Variants in HTR2C observed in about 807,000 individuals in gnomAD.
The protein encoded by HTR2C is 5-hydroxytryptamine (serotonin) receptor 2C, G protein-coupled.
HTR2C carries 5 observed loss-of-function variants against 21.0 expected under a neutral mutation model. The observed-to-expected ratio is 0.24, with a 90% CI of 0.12 to 0.50. The LOEUF is 0.50. HTR2C is among the 20% of genes least tolerant of loss of function. The pLI is 0.98. For missense variants in HTR2C, 271 were observed against 371.2 expected, an observed-to-expected ratio of 0.73 and a Z score of 2.22; for synonymous variants, 150 against 145.3, an observed-to-expected ratio of 1.03 and a Z score of -0.23.
At chrX:114,604,624 C>T (rs1928314055) in intron 1 of HTR2C, among the ~76,000 whole-genome samples, 1 of 110,940 alleles carries the variant, frequency 9.0e-6, no homozygotes, top group African/African-American at 3.3e-5. Flanking sequence ...GGCCAGAGTT[C>T]CAGGGGCTCT....
intron 5 of HTR2C, among the ~76,000 whole-genome samples, chrX:114,877,401 C>G (rs2071147346): frequency 9.0e-6 from 1 of 110,881 alleles, no homozygotes; most frequent in Non-Finnish European, 1.9e-5. Flanking sequence ...AAATCCAACA[C>G]TGTTTCATTG....
intron 2 of HTR2C, among the ~76,000 whole-genome samples, chrX:114,681,011 C>T: frequency 9.0e-6 from 1 of 111,388 alleles, no homozygotes; most frequent in African/African-American, 3.3e-5. Context: ...ACATATTAGA[C>T]ATTTAAGTAA....
chrX:114,721,641 ATG>A (rs781807792), intron 2 of HTR2C, among the ~76,000 whole-genome samples: 140 of 109,004 alleles, frequency 1.3e-3, no homozygotes, highest in African/African-American at 4.5e-3. Flanking sequence ...TAGGGTTTTT[ATG>A]GTTTTAGGTC....
At chrX:114,635,667 A>C (rs1393748698) in intron 2 of HTR2C, among the ~76,000 whole-genome samples, 1 of 111,771 alleles carries the variant, frequency 8.9e-6, no homozygotes, top group Non-Finnish European at 1.9e-5. Context: ...AAGACACTCC[A>C]CTAAGGACTA....
At chrX:114,632,599 T>C (rs782509481) in intron 2 of HTR2C, among the ~76,000 whole-genome samples, 6 of 111,785 alleles carry the variant, frequency 5.4e-5, no homozygotes, top group African/African-American at 1.9e-4. Context: ...CTTTATGCCA[T>C]AGTTTGGTAT....
At chrX:114,661,362 A>G (rs782806968) in intron 2 of HTR2C, among the ~76,000 whole-genome samples, 1 of 109,151 alleles carries the variant, frequency 9.2e-6, no homozygotes, top group South Asian at 4.1e-4. Flanking sequence ...TAAATACACA[A>G]TAATTGTTTT....
intron 2 of HTR2C, among the ~76,000 whole-genome samples, chrX:114,679,399 C>T (rs1931674590): frequency 9.0e-6 from 1 of 110,645 alleles, no homozygotes; most frequent in Admixed American, 9.8e-5. Context: ...TCGCCTCAGC[C>T]TCCTAAGTAG....
intron 2 of HTR2C, among the ~76,000 whole-genome samples, chrX:114,646,276 T>C (rs992661863): frequency 8.9e-6 from 1 of 111,900 alleles, no homozygotes; most frequent in Admixed American, 9.5e-5. Context: ...GATCATTCTA[T>C]TTTTAGTGCA....
rs375716326 is a variant in HTR2C at position 114,787,219 on chromosome X, A to G, written c.349+55612A>G. Among the ~76,000 whole-genome samples, 73 of 112,009 alleles carry G rather than the reference A, an allele frequency of 6.5e-4. 2 individuals are homozygous for G. The South Asian group carries it at 0.026, about 40-fold the overall frequency. On this transcript the variant is annotated intron_variant, in intron 4 of 5. Transcript: ENST00000276198. Reference sequence around the variant, plus strand: ...GGTTCCCCAGAGGACTATATACAACACAAATCCACCAATAAAATTGAAAGA... The same window carrying G: ...GGTTCCCCAGAGGACTATATACAACGCAAATCCACCAATAAAATTGAAAGA...
At chrX:114,699,974 G>C (rs1372895398) in intron 2 of HTR2C, among the ~76,000 whole-genome samples, 1 of 111,329 alleles carries the variant, frequency 9.0e-6, no homozygotes, top group African/African-American at 3.3e-5. Flanking sequence ...TAAATTTTTG[G>C]CAAGGATGGC....
At chrX:114,661,416 A>AC (rs1345985312) in intron 2 of HTR2C, among the ~76,000 whole-genome samples, 3,559 of 108,554 alleles carry the variant, frequency 0.033, 86 homozygotes, top group African/African-American at 0.083. Context: ...AAAAAAAAAA[A>AC]CTATAATATC....
At chrX:114,663,831 G>T (rs1030193693) in intron 2 of HTR2C, among the ~76,000 whole-genome samples, 1 of 111,701 alleles carries the variant, frequency 9.0e-6, no homozygotes, top group Non-Finnish European at 1.9e-5. Context: ...AAATAGACTA[G>T]ACTGCGGGGG....
intron 4 of HTR2C, among the ~76,000 whole-genome samples, chrX:114,828,550 G>T (rs1053376734): frequency 1.8e-5 from 2 of 111,460 alleles, no homozygotes; most frequent in Non-Finnish European, 3.8e-5. Context: ...TTGAGATCTG[G>T]ATCCTTTATT....
At chrX:114,604,556 G>A (rs1476429303) in intron 1 of HTR2C, among the ~76,000 whole-genome samples, 8 of 110,767 alleles carry the variant, frequency 7.2e-5, no homozygotes, top group East Asian at 2.9e-4. Context: ...ATCGGGCAGT[G>A]TCAGTCTTCA....
At chrX:114,793,934 G>A (rs1373615536) in intron 4 of HTR2C, among the ~76,000 whole-genome samples, 2 of 110,230 alleles carry the variant, frequency 1.8e-5, no homozygotes, top group Non-Finnish European at 3.8e-5. Flanking sequence ...GTTAGTGAGT[G>A]CTATGAAAAA....
intron 2 of HTR2C, among the ~76,000 whole-genome samples, chrX:114,646,380 C>T (rs781895191): frequency 9.0e-6 from 1 of 111,574 alleles, no homozygotes; most frequent in East Asian, 2.8e-4. Flanking sequence ...TTTCCTAATC[C>T]ATAGAATAAA....
At chrX:114,754,326 AGGTCCT>A (rs2069790214) in intron 4 of HTR2C, among the ~76,000 whole-genome samples, 1 of 111,952 alleles carries the variant, frequency 8.9e-6, no homozygotes, top group Non-Finnish European at 1.9e-5. Flanking sequence ...AGACACAGGT[AGGTCCT>A]TGAAGAACTA....
At chrX:114,733,426 A>G (rs1213851910) in intron 4 of HTR2C, among the ~76,000 whole-genome samples, 1 of 109,194 alleles carries the variant, frequency 9.2e-6, no homozygotes, top group Non-Finnish European at 1.9e-5. Flanking sequence ...TAAAAAAAAA[A>G]CCACCACAAG....
intron 5 of HTR2C, among the ~76,000 whole-genome samples, chrX:114,893,082 T>C (rs1183350903): frequency 1.8e-5 from 2 of 108,440 alleles, no homozygotes; most frequent in Non-Finnish European, 3.8e-5. Context: ...CCAGCTACTT[T>C]TTTTGTATTT....
Sources: gnomAD v4.1 joint callset for allele counts (sites outside exome capture counted in the v4.1 genomes callset) on GRCh38, gnomAD v4.1.1 for gene constraint, MANE v1.5 for transcripts, NCBI Gene and HGNC (gene_info 2026-07-23, HGNC 2026-07-21) for gene names.